The following KIAA1549 variants were observed in gnomAD, a reference collection of about 807,000 sequenced individuals.
The protein encoded by KIAA1549 is UPF0606 protein KIAA1549.
In KIAA1549, 70 loss-of-function variants were observed where a neutral mutation model predicts 156.4. The ratio of observed to expected loss-of-function variants is 0.45; its 90% CI spans 0.37 to 0.55. The LOEUF (loss-of-function observed/expected upper bound fraction) is 0.55, where lower values mean the gene tolerates loss of function less well. Among genes scored for constraint, KIAA1549 ranks in the 20% least tolerant of loss-of-function variants. KIAA1549 has a pLI of 0.00. For synonymous variants in KIAA1549, 1,103 were observed against 1,066.4 expected, an observed-to-expected ratio of 1.03 and a Z score of -0.67; for missense variants, 2,428 against 2,540.9, an observed-to-expected ratio of 0.96 and a Z score of 0.96.
rs566318314 is a variant in KIAA1549 at position 138,863,108 on chromosome 7, A to G, written c.4930-1652T>C. Among the ~76,000 whole-genome samples, 485 of 152,274 alleles carry G rather than the reference A, an allele frequency of 3.2e-3. 4 individuals are homozygous for G. Among genetic ancestry groups the G allele is most frequent in the African/African-American group, 0.011 (469 of 41,552 alleles). On this transcript the variant is annotated intron_variant, in intron 15 of 19. Coordinates refer to ENST00000422774, the MANE Select transcript of KIAA1549 (RefSeq NM_001164665.2). ...TGTTAAGAGACAAAACCAGGAACCA[A>G]CGAAGAAGAGTCATCCTTTCTGGTC...
chr7:138,965,698 G>A (rs970077215), intron 1 of KIAA1549, among the ~76,000 whole-genome samples: 18 of 152,350 alleles, frequency 1.2e-4, no homozygotes, highest in African/African-American at 3.4e-4. Context: ...ATTGCTTTCT[G>A]TGTATGCGCC....
Position 138,832,254 on chromosome 7 carries a change from T to G in KIAA1549, c.*5652A>C, listed in dbSNP as rs948026964. ...CCCTGCAGCCCAGGCTGGAGTGCAG[T>G]GGCGTGATTATAGCTCACTGCAGCC... On this transcript the variant is annotated 3_prime_UTR_variant, in exon 20 of 20. Transcript: ENST00000422774. 2 of 200,262 alleles carry G rather than the reference T, an allele frequency of 1.0e-5. No individual in the cohort carries two copies. Among genetic ancestry groups the G allele is most frequent in the African/African-American group, 4.8e-5 (2 of 41,602 alleles). 12.4% of individuals were successfully genotyped at this position (200,262 alleles called of 1,614,324 possible).
Position 138,907,075 on chromosome 7 carries a change from T to C in KIAA1549, c.3304A>G (p.Arg1102Gly), listed in dbSNP as rs369172692. The C allele has an allele frequency of 1.9e-6, 3 of 1,602,528 alleles. No homozygotes were observed. The African/African-American group carries it at 4.0e-5, about 22-fold the overall frequency. ...QILNITISSS[R>G]VTPRRGPVNI... ...ACCGGGCCCCGCCGAGGAGTCACCC[T>C]TGAGGAACTGATGGTGATATTCAAG... The change falls in exon 6 of 20, where the codon AGG becomes GGG. Residue 1102 changes from arginine (R) to glycine (G), a missense_variant. Physicochemically the swap from Arg to Gly is moderately radical, Grantham distance 125. Transcript: ENST00000422774.
At chr7:138,904,432 A>G (rs6467817) in intron 7 of KIAA1549, among the ~76,000 whole-genome samples, 49,268 of 152,026 alleles carry the variant, frequency 0.32, 8,338 homozygotes, top group Middle Eastern at 0.42. Flanking sequence ...AACTTGCAAG[A>G]TGCAGGAACC....
intron 17 of KIAA1549, among the ~76,000 whole-genome samples, 182 bp downstream of exon 17, chr7:138,852,041 T>C (rs1259208928): frequency 6.6e-6 from 1 of 152,246 alleles, no homozygotes; most frequent in Non-Finnish European, 1.5e-5. Flanking sequence ...TTACCTAGCC[T>C]GTCATTACTG....
chr7:138,910,129 C>CAAGTAGATGGGGGTG lies in KIAA1549; in HGVS notation c.3146-1009_3146-1008insCACCCCCATCTACTT, dbSNP rs1812126066. Among the ~76,000 whole-genome samples, 9 of 152,250 alleles carry CAAGTAGATGGGGGTG rather than the reference C, an allele frequency of 5.9e-5. No homozygotes were observed. In the South Asian group the frequency reaches 1.9e-3, roughly 32 times the overall value. Reference sequence around the variant, plus strand: ...AGATGGGGGTGTGGCTATAACAAGACTGGCTAGGAACGGAAAAGTGGTTGA... The same window carrying CAAGTAGATGGGGGTG: ...AGATGGGGGTGTGGCTATAACAAGACAAGTAGATGGGGGTGTGGCTAGGAACGGAAAAGTGGTTGA... On this transcript the variant is annotated intron_variant, in intron 4 of 19. Transcript: ENST00000422774.
At chr7:138,883,238 A>G (rs1811298725) in intron 10 of KIAA1549, among the ~76,000 whole-genome samples, 1 of 144,764 alleles carries the variant, frequency 6.9e-6, no homozygotes. Flanking sequence ...GCGCCACTGC[A>G]CTCCAGCCCA....
At chr7:138,859,008 A>AC (rs1810475208) in intron 16 of KIAA1549, among the ~76,000 whole-genome samples, 1 of 142,260 alleles carries the variant, frequency 7.0e-6, no homozygotes, top group African/African-American at 2.6e-5. Flanking sequence ...TCCATCTCAA[A>AC]ACACACACAC....
chr7:138,950,931 T>G (rs1300439583), intron 1 of KIAA1549, among the ~76,000 whole-genome samples: 1 of 151,700 alleles, frequency 6.6e-6, no homozygotes, highest in African/African-American at 2.4e-5. Context: ...TCATGTCACA[T>G]GAGGTCCCCG....
intron 1 of KIAA1549, among the ~76,000 whole-genome samples, chr7:138,942,881 G>A (rs62487043): frequency 0.045 from 6,731 of 151,138 alleles, 209 homozygotes; most frequent in Middle Eastern, 0.076. Context: ...CTGCACTCCA[G>A]CCTGGCGACA....
At chr7:138,878,531 C>T (rs556545697) in intron 12 of KIAA1549, among the ~76,000 whole-genome samples, 4 of 152,146 alleles carry the variant, frequency 2.6e-5, no homozygotes, top group Non-Finnish European at 4.4e-5. Context: ...GAAGGCGAGG[C>T]GGATGGATCG....
intron 1 of KIAA1549, among the ~76,000 whole-genome samples, chr7:138,976,654 A>C (rs1048873332): frequency 2.0e-5 from 3 of 152,248 alleles, no homozygotes. Context: ...TGGTATATAC[A>C]GACTTCAGTA....
rs907993169 is a variant in KIAA1549 at position 138,876,346 on chromosome 7, CTT to C, written c.4345+3190_4345+3191del. ...TCTCATTTAAACTATTTTGCAAACT[CTT>C]TTAATTTTTTTAAAATATGGAATGC... On this transcript the variant is annotated intron_variant, in intron 12 of 19. Coordinates refer to ENST00000422774, the MANE Select transcript of KIAA1549 (RefSeq NM_001164665.2). 1.4e-4 allele frequency: 22 copies of C among 152,178 alleles called. 1 individual carries two copies. The highest frequency in any genetic ancestry group is 1.0e-3 in the South Asian group (5 of 4,828). 9.4% of individuals were successfully genotyped at this position (152,178 alleles called of 1,614,324 possible).
At chr7:138,851,528 A>C (rs1218096622) in intron 17 of KIAA1549, among the ~76,000 whole-genome samples, 3 of 146,800 alleles carry the variant, frequency 2.0e-5, no homozygotes, top group South Asian at 4.3e-4. Flanking sequence ...TTAAAAAAAA[A>C]CCTGTATTTT....
chr7:138,909,912 A>G (rs1411033712), intron 4 of KIAA1549, among the ~76,000 whole-genome samples: 1 of 152,164 alleles, frequency 6.6e-6, no homozygotes, highest in Non-Finnish European at 1.5e-5. Context: ...GCGCCATTGC[A>G]CTCTAGCCTG....
intron 10 of KIAA1549, among the ~76,000 whole-genome samples, chr7:138,893,309 T>TG (rs112062353): frequency 6.4e-4 from 97 of 150,646 alleles, no homozygotes; most frequent in Non-Finnish European, 1.1e-3. Context: ...AGATAGGGAG[T>TG]GGGGGGAGGT....
chr7:138,839,737 AC>A (rs763902095), intron 19 of KIAA1549, among the ~76,000 whole-genome samples: 15 of 132,676 alleles, frequency 1.1e-4, no homozygotes, highest in South Asian at 5.4e-4. Flanking sequence ...TTAAAAAGGG[AC>A]CCCCCCCAAA....
In KIAA1549 at chr7:138,835,771, A is replaced by G. The variant is rs1809688642; in HGVS notation, c.*2135T>C. On this transcript the variant is annotated 3_prime_UTR_variant, in exon 20 of 20. Transcript: ENST00000422774. Reference sequence around the variant, plus strand: ...AAACCAAGACCAAGAGAAATTTGGTATTAAACCAAAACCAAGACATCAAGC... The same window carrying G: ...AAACCAAGACCAAGAGAAATTTGGTGTTAAACCAAAACCAAGACATCAAGC... The G allele has an allele frequency of 4.5e-6, 1 of 220,404 alleles. No homozygotes were observed. The highest frequency in any genetic ancestry group is 6.7e-5 in the East Asian group (1 of 14,990). 13.7% of individuals were successfully genotyped at this position (220,404 alleles called of 1,614,324 possible).
At chr7:138,859,081 C>T (rs1353457865) in intron 16 of KIAA1549, among the ~76,000 whole-genome samples, 1 of 151,524 alleles carries the variant, frequency 6.6e-6, no homozygotes, top group East Asian at 1.9e-4. Context: ...TCATAATTTT[C>T]TCGTAGTTAT....
Sources: allele counts gnomAD v4.1 joint callset (sites outside exome capture counted in the v4.1 genomes callset), GRCh38; gene constraint gnomAD v4.1.1; transcripts MANE v1.5; gene names NCBI Gene and HGNC (gene_info 2026-07-23, HGNC 2026-07-21).